The following LRP1B variants were observed in gnomAD, a reference collection of about 807,000 sequenced individuals.
The protein encoded by LRP1B is low-density lipoprotein receptor-related protein 1B.
Under a neutral mutation model 556.6 loss-of-function variants are expected in LRP1B, and 217 were observed. That is an observed-to-expected ratio of 0.39 (90% CI 0.35 to 0.44). LRP1B has a LOEUF of 0.44. Among genes scored for constraint, LRP1B ranks in the 20% least tolerant of loss-of-function variants. The pLI is 1.00. For missense variants in LRP1B, 5,053 were observed against 5,620.8 expected, an observed-to-expected ratio of 0.90 and a Z score of 3.23; for synonymous variants, 2,047 against 1,865.8, an observed-to-expected ratio of 1.10 and a Z score of -2.50.
chr2:141,812,471 C>A (rs983831198), intron 1 of LRP1B, among the ~76,000 whole-genome samples: 2 of 151,974 alleles, frequency 1.3e-5, no homozygotes, highest in African/African-American at 4.8e-5. Context: ...CCTCCCAAAC[C>A]ATATCAAATT....
chr2:141,644,782 C>A (rs1220527325), intron 2 of LRP1B, among the ~76,000 whole-genome samples: 6 of 146,124 alleles, frequency 4.1e-5, no homozygotes, highest in African/African-American at 8.0e-5. Flanking sequence ...TGCACACACA[C>A]ACAACACACA....
rs1375605745 is a variant in LRP1B at position 140,868,241 on chromosome 2, C to T, written c.4192G>A (p.Asp1398Asn). Residue 1398 changes from aspartate to asparagine, a missense_variant, in exon 26 of 91, where the codon GAT becomes AAT. Asp to Asn is a conservative substitution (Grantham distance 23). This residue lies in a region of LRP1B where 3,619 missense variants were observed against 3,931.9 expected (regional missense o/e 0.92). Coordinates refer to ENST00000389484, the MANE Select transcript of LRP1B (RefSeq NM_018557.3). The stretch of plus-strand genomic sequence containing the variant: ...GATTCAATGCGAGGAAAATTTGCAT[C>T]CCAGTCTGTCCAGAAAAGAATTCTA... Reference protein sequence around the residue: ...RYGILFWTDWDANFPRIESAS... With the variant: ...RYGILFWTDWNANFPRIESAS... The T allele has an allele frequency of 6.3e-7, 1 of 1,579,698 alleles. No individual in the cohort carries two copies. The highest frequency in any genetic ancestry group is 1.2e-5 in the South Asian group (1 of 83,968).
intron 57 of LRP1B, among the ~76,000 whole-genome samples, chr2:140,490,574 T>C (rs1241143708): frequency 6.6e-6 from 1 of 152,090 alleles, no homozygotes; most frequent in Non-Finnish European, 1.5e-5. Flanking sequence ...TGTGAGAAAA[T>C]GTGCAGAGAT....
chr2:141,697,027 G>C (rs911709336), intron 2 of LRP1B, among the ~76,000 whole-genome samples: 8 of 151,874 alleles, frequency 5.3e-5, no homozygotes, highest in African/African-American at 4.8e-5. Flanking sequence ...TTTAAGGGCA[G>C]TCATTTTTAT....
In LRP1B at chr2:141,254,649, G is replaced by GA. The variant is rs138919288; in HGVS notation, c.344-9dup. ...GGCAATTGGATAACAGTTCTGTAGA[G>GA]AAAAAACAAATATATTCTCTATATT... is the stretch of plus-strand genomic sequence containing the variant. On this transcript the variant is annotated splice_polypyrimidine_tract_variant and intron_variant, in intron 3 of 90. Transcript: ENST00000389484. The GA allele has an allele frequency of 6.1e-4, 969 of 1,595,764 alleles. 15 individuals carry two copies. The East Asian group carries it at 0.02, about 32-fold the overall frequency.
At chr2:141,521,074 T>C (rs958527477) in intron 2 of LRP1B, among the ~76,000 whole-genome samples, 1 of 152,072 alleles carries the variant, frequency 6.6e-6, no homozygotes, top group South Asian at 2.1e-4. Context: ...TCAACCTTAA[T>C]AGAAAAATAC....
At chr2:141,759,680 T>C (rs1174125440) in intron 2 of LRP1B, among the ~76,000 whole-genome samples, 6 of 152,068 alleles carry the variant, frequency 3.9e-5, no homozygotes, top group South Asian at 4.1e-4. Context: ...TATCTCTAGA[T>C]AGAAAAAATA....
At chr2:141,283,618 CTTTT>C (rs751136016) in intron 3 of LRP1B, among the ~76,000 whole-genome samples, 1 of 123,932 alleles carries the variant, frequency 8.1e-6, no homozygotes. Flanking sequence ...AAGAGACCCA[CTTTT>C]TTTTTTTTTT....
intron 1 of LRP1B, among the ~76,000 whole-genome samples, chr2:142,036,231 A>G (rs1408618634): frequency 6.6e-6 from 1 of 151,684 alleles, no homozygotes; most frequent in Admixed American, 6.6e-5. Flanking sequence ...GAACTACTTC[A>G]GGAGACCTGT....
At chr2:141,897,931 C>T (rs1197461516) in intron 1 of LRP1B, among the ~76,000 whole-genome samples, 2 of 152,070 alleles carry the variant, frequency 1.3e-5, no homozygotes, top group Admixed American at 6.6e-5. Context: ...TATACATGAA[C>T]GACAGTCTGA....
At chr2:140,260,820 A>G (rs1206843921) in intron 86 of LRP1B, among the ~76,000 whole-genome samples, 1 of 151,786 alleles carries the variant, frequency 6.6e-6, no homozygotes, top group Non-Finnish European at 1.5e-5. Context: ...GTTTTCTCTT[A>G]ACAGCTTTTA....
At chr2:140,853,643 A>T (rs114667591) in intron 27 of LRP1B, among the ~76,000 whole-genome samples, 2,226 of 152,166 alleles carry the variant, frequency 0.015, 50 homozygotes, top group African/African-American at 0.051. Context: ...CATTCCTTAC[A>T]TCAAGATGAT....
intron 35 of LRP1B, among the ~76,000 whole-genome samples, chr2:140,721,457 A>G (rs1397684450): frequency 6.6e-6 from 1 of 151,330 alleles, no homozygotes; most frequent in African/African-American, 2.4e-5. Flanking sequence ...TTGTTGTGAT[A>G]TCCACAAATT....
chr2:141,924,358 G>A (rs537357412), intron 1 of LRP1B, among the ~76,000 whole-genome samples: 29 of 152,164 alleles, frequency 1.9e-4, no homozygotes, highest in African/African-American at 6.3e-4. Flanking sequence ...CCAGCTCCCT[G>A]TCCATCCTGC....
intron 3 of LRP1B, among the ~76,000 whole-genome samples, chr2:141,396,256 C>T (rs1425293382): frequency 1.3e-5 from 2 of 152,022 alleles, no homozygotes; most frequent in African/African-American, 2.4e-5. Context: ...TTTATACAAT[C>T]GATCTTCAAG....
At chr2:141,710,063 C>A (rs1226510797) in intron 2 of LRP1B, among the ~76,000 whole-genome samples, 2 of 152,054 alleles carry the variant, frequency 1.3e-5, no homozygotes, top group African/African-American at 4.8e-5. Context: ...AGTCACCTCC[C>A]AAAGGCCCCC....
chr2:141,481,293 T>C (rs1559096205), intron 2 of LRP1B, among the ~76,000 whole-genome samples: 2 of 152,180 alleles, frequency 1.3e-5, no homozygotes, highest in Non-Finnish European at 2.9e-5. Flanking sequence ...TTGCATGTTA[T>C]TTTATCTGAA....
chr2:141,836,163 C>T (rs1697271271), intron 1 of LRP1B, among the ~76,000 whole-genome samples: 1 of 151,842 alleles, frequency 6.6e-6, no homozygotes, highest in Admixed American at 6.6e-5. Flanking sequence ...ATTAGAATGT[C>T]TTAAAACTGA....
At chr2:140,315,143 G>C (rs564832020) in intron 82 of LRP1B, 44 bp from the exon 83 acceptor site, 15 of 1,321,858 alleles carry the variant, frequency 1.1e-5, no homozygotes, top group Non-Finnish European at 1.4e-5. Context: ...TTTTCAGGGA[G>C]TAATTTAATA....
Sources: allele counts gnomAD v4.1 joint callset (sites outside exome capture counted in the v4.1 genomes callset), GRCh38; gene constraint gnomAD v4.1.1; regional missense constraint gnomAD v4.1.1; transcripts MANE v1.5; gene names NCBI Gene and HGNC (gene_info 2026-07-23, HGNC 2026-07-21).